The following CCDC38 variants were observed in gnomAD, a reference collection of about 807,000 sequenced individuals.
The protein encoded by CCDC38 is coiled-coil domain containing 38.
A neutral mutation model predicts 72.8 loss-of-function variants in CCDC38; 69 were observed. The observed-to-expected ratio is 0.95, with a 90% CI of 0.78 to 1.16. The LOEUF is 1.16. CCDC38 is among the 50% of genes most tolerant of loss of function. CCDC38 has a pLI of 0.00. For missense variants in CCDC38, 626 were observed against 638.9 expected, an observed-to-expected ratio of 0.98 and a Z score of 0.22; for synonymous variants, 201 against 213.2, an observed-to-expected ratio of 0.94 and a Z score of 0.50.
chr12:95,874,979 A>G (rs1302866505), intron 13 of CCDC38, among the ~76,000 whole-genome samples: 1 of 152,214 alleles, frequency 6.6e-6, no homozygotes, highest in African/African-American at 2.4e-5. Flanking sequence ...AAAGAAAACA[A>G]TAAAACCAGA....
At chr12:95,906,768 TTC>T (rs1321648492) in intron 4 of CCDC38, among the ~76,000 whole-genome samples, 1 of 124,058 alleles carries the variant, frequency 8.1e-6, no homozygotes, top group Non-Finnish European at 1.8e-5. Context: ...GCTGTCAAAA[TTC>T]TTTTTTTTTT....
At chr12:95,923,225 T>C (rs2080228102) in intron 2 of CCDC38, among the ~76,000 whole-genome samples, 1 of 152,096 alleles carries the variant, frequency 6.6e-6, no homozygotes, top group Non-Finnish European at 1.5e-5. Flanking sequence ...AGCGTATAGA[T>C]GGCAAATCAT....
chr12:95,917,814 T>C (rs1019727361), intron 3 of CCDC38, among the ~76,000 whole-genome samples: 1 of 142,794 alleles, frequency 7.0e-6, no homozygotes, highest in Non-Finnish European at 1.5e-5. Context: ...AAGGTGGCAG[T>C]GAGCCGAGAT....
chr12:95,913,242 T>A (rs2136712920), intron 4 of CCDC38, among the ~76,000 whole-genome samples: 1 of 152,304 alleles, frequency 6.6e-6, no homozygotes, highest in South Asian at 2.1e-4. Context: ...ATGCCTCAGC[T>A]TCCTCATTTG....
At chr12:95,921,181 A>G (rs755925191) in intron 2 of CCDC38, among the ~76,000 whole-genome samples, 1 of 151,982 alleles carries the variant, frequency 6.6e-6, no homozygotes, top group Non-Finnish European at 1.5e-5. Context: ...GAATTTCTGC[A>G]TGGACTTCCT....
In CCDC38 at chr12:95,936,457, A is replaced by G. The variant is rs1592812163; in HGVS notation, c.37+16T>C. On this transcript the variant is annotated intron_variant, in intron 2 of 15. Transcript: ENST00000344280. Reference sequence around the variant, plus strand: ...GCCAGGCCCAAACAAGAATATATTGATTGATTTCTTTTTACCTCCAGAATT... The same window carrying G: ...GCCAGGCCCAAACAAGAATATATTGGTTGATTTCTTTTTACCTCCAGAATT... 6.2e-7 allele frequency: 1 copy of G among 1,611,960 alleles called. No homozygotes were observed. Among genetic ancestry groups the G allele is most frequent in the East Asian group, 2.2e-5 (1 of 44,828 alleles).
At chr12:95,925,485 A>G (rs2080259429) in intron 2 of CCDC38, among the ~76,000 whole-genome samples, 1 of 152,220 alleles carries the variant, frequency 6.6e-6, no homozygotes, top group Non-Finnish European at 1.5e-5. Context: ...GTCATCTGCA[A>G]ACAGGGACAA....
chr12:95,881,430 C>T (rs2079698572), intron 11 of CCDC38, 55 bp downstream of exon 11: 1 of 1,226,290 alleles, frequency 8.2e-7, no homozygotes, highest in Non-Finnish European at 1.2e-6. Flanking sequence ...AATAAATGAT[C>T]ATCAGTATTT....
intron 2 of CCDC38, among the ~76,000 whole-genome samples, chr12:95,923,712 T>C (rs1436117241): frequency 6.6e-6 from 1 of 151,884 alleles, no homozygotes; most frequent in Non-Finnish European, 1.5e-5. Flanking sequence ...TCCACAACAG[T>C]CCCCAGAGTG....
At chr12:95,885,075 A>G (rs1353072757) in intron 10 of CCDC38, 1 of 152,238 alleles carries the variant, frequency 6.6e-6, no homozygotes, top group Admixed American at 6.5e-5. Flanking sequence ...ACAGTTTTGA[A>G]AAACAGGAAT....
intron 5 of CCDC38, chr12:95,903,270 G>A: frequency 1.9e-6 from 1 of 529,528 alleles, no homozygotes; most frequent in Non-Finnish European, 3.4e-6. Flanking sequence ...AAACTCATAG[G>A]TTATGGTAGT....
intron 2 of CCDC38, among the ~76,000 whole-genome samples, chr12:95,929,220 G>T (rs555182394): frequency 7.7e-4 from 117 of 152,324 alleles, no homozygotes; most frequent in African/African-American, 2.0e-3. Flanking sequence ...CTCTGAGCCA[G>T]GTGCGGGATA....
chr12:95,906,482 T>C lies in CCDC38; in HGVS notation c.305-31A>G, dbSNP rs779607489. 1.3e-5 allele frequency: 19 copies of C among 1,457,128 alleles called. No individual in the cohort carries two copies. In the South Asian group the frequency reaches 2.2e-4, roughly 17 times the overall value. The allele number at this position is 1,457,128 out of a possible 1,614,324, so 90.3% of individuals were successfully genotyped here. A position where few individuals can be genotyped will look rare whatever the true frequency, so the allele number is the denominator to read the frequency against. On this transcript the variant is annotated intron_variant, in intron 4 of 15. Transcript: ENST00000344280. The stretch of plus-strand genomic sequence containing the variant: ...AAGAAAGTTGAAATAGACTTAAGTT[T>C]AGTTCATCATCCTTAAAAATGCTGT...
intron 2 of CCDC38, among the ~76,000 whole-genome samples, chr12:95,920,681 G>A (rs2080195290): frequency 6.6e-6 from 1 of 152,014 alleles, no homozygotes; most frequent in African/African-American, 2.4e-5. Context: ...TAGGTGAGTA[G>A]TTGCTTGGGG....
chr12:95,873,088 AC>A (rs755364050), intron 13 of CCDC38, among the ~76,000 whole-genome samples: 1 of 152,188 alleles, frequency 6.6e-6, no homozygotes, highest in Non-Finnish European at 1.5e-5. Context: ...CAGGCAACAA[AC>A]ATTTTAAATC....
At chr12:95,891,596 C>T (rs967969807) in intron 8 of CCDC38, among the ~76,000 whole-genome samples, 5 of 152,178 alleles carry the variant, frequency 3.3e-5, no homozygotes, top group Admixed American at 3.3e-4. Context: ...ACCCCGCCTG[C>T]CTTGGCCTCC....
At chr12:95,920,900 G>A (rs1020486492) in intron 2 of CCDC38, among the ~76,000 whole-genome samples, 2 of 151,906 alleles carry the variant, frequency 1.3e-5, no homozygotes, top group Non-Finnish European at 2.9e-5. Flanking sequence ...AGGCCGAGGT[G>A]GGTGGATAAC....
intron 4 of CCDC38, among the ~76,000 whole-genome samples, chr12:95,913,916 C>T (rs768189079): frequency 2.6e-5 from 4 of 151,698 alleles, no homozygotes; most frequent in East Asian, 2.0e-4. Flanking sequence ...CCGTGAGCCA[C>T]GTTCATCAGA....
At position 95,917,272 on chromosome 12, in the gene CCDC38, A is replaced by G. The variant is rs757834272; in HGVS notation, c.161T>C (p.Met54Thr). The change falls in exon 4 of 16, where the codon ATG (methionine) becomes ACG (threonine). Residue 54 changes from methionine to threonine, a missense_variant. By Grantham distance (81) the Met-to-Thr change is moderately conservative (BLOSUM62 -1). Transcript: ENST00000344280. ...AAAAGTAGTTTTCTGGTAGACTTTCATGTTACGGTTCATAAATTTTTCCTG... is the reference window on the plus strand; with the variant it reads ...AAAAGTAGTTTTCTGGTAGACTTTCGTGTTACGGTTCATAAATTTTTCCTG... Reference protein sequence around the residue: ...KETEKFMNRNMKVYQKTTFSS... With the variant: ...KETEKFMNRNTKVYQKTTFSS... 1.3e-6 allele frequency: 2 copies of G among 1,597,960 alleles called. No homozygotes were observed. The highest frequency in any genetic ancestry group is 4.5e-5 in the East Asian group (2 of 44,124).
Sources: gnomAD v4.1 joint callset for allele counts (sites outside exome capture counted in the v4.1 genomes callset) on GRCh38, gnomAD v4.1.1 for gene constraint, MANE v1.5 for transcripts, NCBI Gene and HGNC (gene_info 2026-07-23, HGNC 2026-07-21) for gene names.